Variants in NTRK1 observed in about 807,000 individuals in gnomAD.
NTRK1 encodes the protein neurotrophic receptor tyrosine kinase 1.
Under a neutral mutation model 86.8 loss-of-function variants are expected in NTRK1, and 62 were observed. That is an observed-to-expected ratio of 0.71 (90% CI 0.58 to 0.88). The LOEUF (loss-of-function observed/expected upper bound fraction) is 0.88. Ranked by LOEUF, NTRK1 falls within the 40% of genes least tolerant of loss-of-function variation. The probability of loss-of-function intolerance (pLI) is 0.00; values close to 1 mark genes in which losing one functional copy is unlikely to be tolerated. For synonymous variants in NTRK1, 469 were observed against 456.6 expected, an observed-to-expected ratio of 1.03 and a Z score of -0.35; for missense variants, 967 against 1,078.4, an observed-to-expected ratio of 0.90 and a Z score of 1.45.
Position 156,874,761 on chromosome 1 carries a change from C to A in NTRK1, c.1251+135C>A, listed in dbSNP as rs370641017. ...GAGCTCTGACGGCCACCCGCACAGCCACTGCAGGGGTCCCCAGGGGAGGAT... is the reference window on the plus strand; with the variant it reads ...GAGCTCTGACGGCCACCCGCACAGCAACTGCAGGGGTCCCCAGGGGAGGAT... On this transcript the variant is annotated intron_variant, in intron 10 of 16. Coordinates refer to ENST00000524377, the MANE Select transcript of NTRK1 (RefSeq NM_002529.4). The A allele has an allele frequency of 4.4e-5, 52 of 1,191,122 alleles. 1 individual carries two copies. In the African/African-American group the frequency reaches 5.1e-4, roughly 12 times the overall value. 73.8% of individuals were successfully genotyped at this position (1,191,122 alleles called of 1,614,324 possible). A position where few individuals can be genotyped will look rare whatever the true frequency, so the allele number is the denominator to read the frequency against.
intron 1 of NTRK1, chr1:156,816,568 G>T: frequency 8.0e-7 from 1 of 1,247,128 alleles, no homozygotes; most frequent in Non-Finnish European, 1.1e-6. Flanking sequence ...TCTGGCTTAG[G>T]GTGGGGCCCC....
chr1:156,873,591 G>T (rs949797706), intron 7 of NTRK1, 42 bp from the exon 8 acceptor site: 23 of 1,570,978 alleles, frequency 1.5e-5, no homozygotes, highest in Non-Finnish European at 1.9e-5. Context: ...GCTCCCTCCA[G>T]CTGCGCCCTG....
intron 4 of NTRK1, among the ~76,000 whole-genome samples, chr1:156,867,564 G>T (rs1383180201): frequency 6.6e-6 from 1 of 152,156 alleles, no homozygotes; most frequent in Non-Finnish European, 1.5e-5. Context: ...GAACTCCTGG[G>T]CTCAAGCCAT....
At chr1:156,851,862 G>GT in intron 2 of NTRK1, 1 of 1,574,380 alleles carries the variant, frequency 6.4e-7, no homozygotes, top group African/African-American at 1.3e-5. Context: ...TGCTCCCAGG[G>GT]TGCCCCCCAC....
chr1:156,849,564 G>T, intron 2 of NTRK1: 1 of 811,946 alleles, frequency 1.2e-6, no homozygotes, highest in Non-Finnish European at 2.0e-6. Context: ...TGGGCCCGGG[G>T]AGAGGGGCAC....
chr1:156,826,164 G>T (rs1654310233), intron 1 of NTRK1, among the ~76,000 whole-genome samples: 1 of 152,152 alleles, frequency 6.6e-6, no homozygotes, highest in African/African-American at 2.4e-5. Flanking sequence ...ACTTTCCAAA[G>T]CCTCAAACTA....
At chr1:156,840,536 A>C (rs1446874163) in intron 1 of NTRK1, 11 of 344,986 alleles carry the variant, frequency 3.2e-5, no homozygotes, top group African/African-American at 4.2e-5. Context: ...GGAGACCCCA[A>C]ACTGAGGGGC....
exon 1 of NTRK1, chr1:156,815,820 A>T (rs1653850911): frequency 2.5e-6 from 4 of 1,614,072 alleles, no homozygotes; most frequent in Non-Finnish European, 3.4e-6. Context: ...GTGAGTGGGC[A>T]ACTCGGCGCA....
At chr1:156,867,010 C>T (rs1655966822) in intron 4 of NTRK1, 32 bp downstream of exon 4, 2 of 1,609,436 alleles carry the variant, frequency 1.2e-6, no homozygotes, top group Non-Finnish European at 1.7e-6. Context: ...GGCAAGAGCA[C>T]CAAGTGTGTG....
chr1:156,873,018 AGTGTGTGTGT>A lies in NTRK1; in HGVS notation c.851-580_851-571del, dbSNP rs55870362. On this transcript the variant is annotated intron_variant, in intron 7 of 16. Transcript: ENST00000524377. Reference sequence around the variant, plus strand: ...CAAACGCATATCTTTTTTCAAAAAGAGTGTGTGTGTGTGTGTGTGTGTGTGTGTGTGTGTG... The same window carrying A: ...CAAACGCATATCTTTTTTCAAAAAGAGTGTGTGTGTGTGTGTGTGTGTGTG... 6.8e-4 allele frequency among the ~76,000 whole-genome samples: 89 copies of A among 131,018 alleles called. No homozygotes were observed. The South Asian group carries it at 0.011, about 16-fold the overall frequency. 86.0% of individuals were successfully genotyped at this position (131,018 alleles called of 152,430 possible). A position where few individuals can be genotyped will look rare whatever the true frequency, so the allele number is the denominator to read the frequency against.
intron 2 of NTRK1, among the ~76,000 whole-genome samples, chr1:156,853,157 C>A: frequency 6.6e-6 from 1 of 152,160 alleles, no homozygotes; most frequent in South Asian, 2.1e-4. Flanking sequence ...TTCAGTTCTT[C>A]ATTGATCATC....
chr1:156,846,788 A>G (rs1458077477), intron 2 of NTRK1: 1 of 1,548,136 alleles, frequency 6.5e-7, no homozygotes, highest in East Asian at 2.2e-5. Flanking sequence ...CTGAGGGGTC[A>G]TTCAACCCCA....
intron 6 of NTRK1, 29 bp downstream of exon 6, chr1:156,868,676 A>G (rs1376727579): frequency 6.5e-7 from 1 of 1,549,300 alleles, no homozygotes; most frequent in East Asian, 2.4e-5. Context: ...GCAGCCCCCA[A>G]GAGGTCCAGG....
At chr1:156,875,285 G>T (rs908911061) in intron 11 of NTRK1, among the ~76,000 whole-genome samples, 2 of 151,970 alleles carry the variant, frequency 1.3e-5, no homozygotes, top group Non-Finnish European at 2.9e-5. Flanking sequence ...GGAGGTCTGG[G>T]CTCTGTGGGG....
At chr1:156,825,659 G>A (rs951625088) in intron 1 of NTRK1, among the ~76,000 whole-genome samples, 1 of 152,160 alleles carries the variant, frequency 6.6e-6, no homozygotes, top group African/African-American at 2.4e-5. Context: ...CCTTATTTGA[G>A]GATTACCTGG....
rs770340489 is a variant in NTRK1, at chr1:156,881,683, G to T, written c.*41G>T. On this transcript the variant is annotated 3_prime_UTR_variant, in exon 17 of 17. Coordinates refer to ENST00000524377, the MANE Select transcript of NTRK1 (RefSeq NM_002529.4). ...GCTGGGAGTGGTTAGCCGGAATACT[G>T]GGGCCTGCCCTCAGCATCCCCCATA... 10 of 1,562,468 alleles carry T rather than the reference G, an allele frequency of 6.4e-6. No individual in the cohort carries two copies. The South Asian group carries it at 1.2e-4, about 18-fold the overall frequency.
chr1:156,843,409 AC>A (rs1654874696), intron 2 of NTRK1: 2 of 1,613,034 alleles, frequency 1.2e-6, no homozygotes, highest in African/African-American at 2.7e-5. Context: ...CCACCTGTCC[AC>A]CCACTCCCAG....
chr1:156,850,531 A>ATTTT (rs1655167936), intron 2 of NTRK1, among the ~76,000 whole-genome samples: 2 of 97,020 alleles, frequency 2.1e-5, no homozygotes, highest in African/African-American at 3.9e-5. Context: ...AATTTAAAAC[A>ATTTT]TTCTTTTTTT....
chr1:156,845,692 G>C, intron 2 of NTRK1: 4 of 1,612,092 alleles, frequency 2.5e-6, no homozygotes, highest in Non-Finnish European at 3.4e-6. Flanking sequence ...GCCTCCAGCG[G>C]GGGCAGAACC....
Sources: allele counts gnomAD v4.1 joint callset (sites outside exome capture counted in the v4.1 genomes callset), GRCh38; gene constraint gnomAD v4.1.1; transcripts MANE v1.5; gene names NCBI Gene and HGNC (gene_info 2026-07-23, HGNC 2026-07-21).